Variants in COL4A4 observed in about 807,000 individuals in gnomAD.
The protein encoded by COL4A4 is collagen type IV alpha 4 chain, also known as collagen alpha-4(IV) chain.
COL4A4 carries 105 observed loss-of-function variants against 192.9 expected under a neutral mutation model. The ratio of observed to expected loss-of-function variants is 0.54; its 90% CI spans 0.46 to 0.64. COL4A4 has a LOEUF of 0.64. COL4A4 is among the 30% of genes least tolerant of loss of function. COL4A4 has a pLI of 0.00. For missense variants in COL4A4, 1,967 were observed against 2,169.3 expected (o/e 0.91, Z 1.85); for synonymous variants, 762 against 769.9 (o/e 0.99, Z 0.17).
intron 30 of COL4A4, among the ~76,000 whole-genome samples, chr2:227,055,224 G>A (rs1975037404): frequency 6.6e-6 from 1 of 152,132 alleles, no homozygotes; most frequent in Admixed American, 6.5e-5. Context: ...GCACTTAGTA[G>A]CTGGGCTCAG....
the COL4A4 span, among the ~76,000 whole-genome samples, chr2:226,983,664 G>C: frequency 6.6e-6 from 1 of 151,514 alleles, no homozygotes; most frequent in African/African-American, 2.4e-5. Flanking sequence ...ATGTTTACTT[G>C]TACTTTTTTT....
intron 34 of COL4A4, among the ~76,000 whole-genome samples, chr2:227,048,229 TTA>T (rs1973311356): frequency 6.6e-6 from 1 of 152,154 alleles, no homozygotes. Context: ...TAGATGTATC[TTA>T]TAGTAACTGC....
Position 227,056,131 on chromosome 2 carries a change from G to A in COL4A4, c.2546-16C>T, listed in dbSNP as rs757210842. On this transcript the variant is annotated splice_polypyrimidine_tract_variant and intron_variant, in intron 29 of 47. Coordinates refer to ENST00000396625, the MANE Select transcript of COL4A4 (RefSeq NM_000092.5). ...CCTGGAGCACCTAAGACAAACCACA[G>A]TGACCACAGTGTGTGAAGGCTGAAC... The A allele has an allele frequency of 1.2e-6, 2 of 1,612,980 alleles. No homozygotes were observed. The highest frequency in any genetic ancestry group is 2.7e-5 in the African/African-American group (2 of 74,890).
At chr2:227,163,524 T>C (rs2065023923) in intron 1 of COL4A4, among the ~76,000 whole-genome samples, 1 of 152,280 alleles carries the variant, frequency 6.6e-6, no homozygotes, top group African/African-American at 2.4e-5. Context: ...AACAGTCTAA[T>C]TGCTTTACCA....
chr2:227,057,339 G>A, intron 29 of COL4A4, 100 bp downstream of exon 29: 9 of 1,370,404 alleles, frequency 6.6e-6, no homozygotes, highest in Non-Finnish European at 9.1e-6. Flanking sequence ...CTCTGACTCA[G>A]GACTCTTGCT....
chr2:227,088,712 A>G lies in COL4A4; in HGVS notation c.1564T>C (p.Trp522Arg). 6.2e-7 allele frequency: 1 copy of G among 1,614,146 alleles called. No individual in the cohort carries two copies. The highest frequency in any genetic ancestry group is 8.5e-7 in the Non-Finnish European group (1 of 1,180,012). Residue 522 changes from tryptophan (W) to arginine (R), a missense_variant, in exon 22 of 48, where the codon TGG becomes CGG. Physicochemically the swap from Trp to Arg is moderately radical, Grantham distance 101. Transcript: ENST00000396625. ...GSKGDLGLPG[W>R]LGTKGDPGPP... ...CCTGGGTCACCTTTTGTTCCAAGCC[A>G]GCCAGGGAGCCCCAAGTCTCCCTTA...
In COL4A4 at chr2:227,041,864, A is replaced by G. The variant is rs939758084; in HGVS notation, c.3505+284T>C. Among the ~76,000 whole-genome samples, 973 of 108,562 alleles carry G rather than the reference A, an allele frequency of 9.0e-3. 8 individuals are homozygous for G. The highest frequency in any genetic ancestry group is 0.019 in the African/African-American group (461 of 24,826). 71.2% of individuals were successfully genotyped at this position (108,562 alleles called of 152,430 possible). A position where few individuals can be genotyped will look rare whatever the true frequency, so the allele number is the denominator to read the frequency against. ...AGAAAGAAAGAGAAAGAAAGAAAGA[A>G]AGAAAGAAAGAAAGAAAGAAAGAAA... On this transcript the variant is annotated intron_variant, in intron 37 of 47. Coordinates refer to ENST00000396625, the MANE Select transcript of COL4A4 (RefSeq NM_000092.5).
intron 22 of COL4A4, among the ~76,000 whole-genome samples, chr2:227,083,988 A>T (rs563323157): frequency 1.3e-5 from 2 of 152,238 alleles, no homozygotes; most frequent in Non-Finnish European, 2.9e-5. Flanking sequence ...CAGAGAAAAA[A>T]AGTATGTCCA....
At chr2:227,061,790 G>A (rs1410335271) in intron 26 of COL4A4, among the ~76,000 whole-genome samples, 1 of 152,208 alleles carries the variant, frequency 6.6e-6, no homozygotes, top group Non-Finnish European at 1.5e-5. Flanking sequence ...AAATGAAGCT[G>A]TTGCATGAAT....
At chr2:227,115,779 T>C (rs898399933) in intron 7 of COL4A4, among the ~76,000 whole-genome samples, 2 of 152,244 alleles carry the variant, frequency 1.3e-5, no homozygotes, top group African/African-American at 4.8e-5. Context: ...TGGTAGTATC[T>C]GCAGTTTTGG....
In COL4A4 at chr2:227,020,392, A is replaced by G. The variant is rs539789411; in HGVS notation, c.4216+1656T>C. On this transcript the variant is annotated intron_variant, in intron 44 of 47. Transcript: ENST00000396625. ...CCCAGTTCTCACGGGCCGTTAAAAA[A>G]AGTTGCTACAACCAACACCCAATTA... 2.8e-4 allele frequency among the ~76,000 whole-genome samples: 42 copies of G among 152,324 alleles called. 3 individuals are homozygous for G. The Middle Eastern group carries it at 0.024, about 86-fold the overall frequency.
At chr2:227,100,984 A>G (rs937567558) in intron 17 of COL4A4, among the ~76,000 whole-genome samples, 4 of 151,628 alleles carry the variant, frequency 2.6e-5, no homozygotes, top group Non-Finnish European at 5.9e-5. Context: ...TTGTTTTTGT[A>G]TTTTTAGTAG....
At chr2:227,025,738 A>T (rs2149896611) in intron 43 of COL4A4, 64 bp downstream of exon 43, 1 of 1,436,632 alleles carries the variant, frequency 7.0e-7, no homozygotes, top group Non-Finnish European at 9.8e-7. Context: ...AGGAAAAAGG[A>T]CAAGTACAGA....
intron 37 of COL4A4, 146 bp from the exon 38 acceptor site, chr2:227,033,627 A>G: frequency 1.4e-6 from 1 of 708,058 alleles, no homozygotes; most frequent in Non-Finnish European, 2.5e-6. Context: ...ATCAGGGTGG[A>G]AACCCAGGCC....
Position 227,008,180 on chromosome 2 carries a change from GA to G in COL4A4, c.4646del (p.Leu1549ProfsTer3). 1.2e-6 allele frequency: 2 copies of G among 1,614,176 alleles called. No individual in the cohort carries two copies. The highest frequency in any genetic ancestry group is 1.7e-6 in the Non-Finnish European group (2 of 1,179,962). On this transcript the variant is annotated frameshift_variant, in exon 47 of 48. Coordinates refer to ENST00000396625, the MANE Select transcript of COL4A4 (RefSeq NM_000092.5). LOFTEE classifies it high-confidence loss of function. The stretch of plus-strand genomic sequence containing the variant: ...CCTCTTCAGAGAGTGGCATCATGGG[GA>G]GGGGCGCAGCGCTGGCCAGCCAGTA... Reference protein sequence around the residue: ...RSYWLASAAPLPMMPLSEEAI... With the variant: ...RSYWLASAAPXPMMPLSEEAI...
At chr2:226,989,987 G>GT in the COL4A4 span, among the ~76,000 whole-genome samples, 1 of 152,166 alleles carries the variant, frequency 6.6e-6, no homozygotes, top group Non-Finnish European at 1.5e-5. Flanking sequence ...AAATGCGAAT[G>GT]TTTTCTCTCT....
intron 5 of COL4A4, 22 bp downstream of exon 5, chr2:227,120,992 C>T (rs1165519639): frequency 1.9e-6 from 3 of 1,613,772 alleles, no homozygotes; most frequent in Non-Finnish European, 2.5e-6. Flanking sequence ...TCATGTGAAT[C>T]TCCACATAAG....
At chr2:227,036,655 T>C (rs2150024757) in intron 37 of COL4A4, among the ~76,000 whole-genome samples, 1 of 152,368 alleles carries the variant, frequency 6.6e-6, no homozygotes, top group East Asian at 1.9e-4. Context: ...GGTTTCCTAA[T>C]GCACAGAGTC....
chr2:227,023,135 G>A (rs930346282), intron 43 of COL4A4, among the ~76,000 whole-genome samples: 6 of 152,144 alleles, frequency 3.9e-5, no homozygotes, highest in Admixed American at 2.0e-4. Flanking sequence ...GCGTTGATCT[G>A]GGAATCTCAC....
Sources: gnomAD v4.1 joint callset for allele counts (sites outside exome capture counted in the v4.1 genomes callset) on GRCh38, gnomAD v4.1.1 for gene constraint, MANE v1.5 for transcripts, NCBI Gene and HGNC (gene_info 2026-07-23, HGNC 2026-07-21) for gene names.